COLEC10: variants seen among roughly 807,000 people sequenced by gnomAD.
The protein encoded by COLEC10 is collectin subfamily member 10.
Under a neutral mutation model 28.4 loss-of-function variants are expected in COLEC10, and 22 were observed. The observed-to-expected ratio is 0.78, with a 90% CI of 0.55 to 1.11. COLEC10 has a LOEUF of 1.11. Ranked by LOEUF, COLEC10 falls within the 50% of genes least tolerant of loss-of-function variation. The pLI is 0.00. For synonymous variants in COLEC10, 125 were observed against 116.1 expected, an observed-to-expected ratio of 1.08 and a Z score of -0.49; for missense variants, 361 against 344.1, an observed-to-expected ratio of 1.05 and a Z score of -0.39.
At chr8:118,988,835 A>T in the COLEC10 span, among the ~76,000 whole-genome samples, 1 of 152,164 alleles carries the variant, frequency 6.6e-6, no homozygotes, top group Non-Finnish European at 1.5e-5. Flanking sequence ...CAAATATTAA[A>T]CATAATCTAA....
At chr8:118,998,458 G>T (rs901864332) in intron 1 of COLEC10, among the ~76,000 whole-genome samples, 5 of 152,098 alleles carry the variant, frequency 3.3e-5, no homozygotes, top group African/African-American at 1.2e-4. Flanking sequence ...TGATCACTTA[G>T]GCATTTTGCT....
rs1563745214 is a variant in COLEC10 at position 119,103,788 on chromosome 8, G to A, written c.347-12G>A. On this transcript the variant is annotated splice_polypyrimidine_tract_variant and intron_variant, in intron 4 of 5. Coordinates refer to ENST00000332843, the MANE Select transcript of COLEC10 (RefSeq NM_006438.5). Reference sequence around the variant, plus strand: ...ACTTCAACATGAATTCACAGTTTTTGTCATTTAAAAGGTACTGTCTGTGAT... The same window carrying A: ...ACTTCAACATGAATTCACAGTTTTTATCATTTAAAAGGTACTGTCTGTGAT... 6.4e-7 allele frequency: 1 copy of A among 1,561,446 alleles called. No individual in the cohort carries two copies. Among genetic ancestry groups the A allele is most frequent in the South Asian group, 1.1e-5 (1 of 89,814 alleles).
intron 2 of COLEC10, among the ~76,000 whole-genome samples, chr8:119,014,316 C>G (rs563146526): frequency 6.7e-6 from 1 of 149,944 alleles, no homozygotes; most frequent in South Asian, 2.1e-4. Flanking sequence ...TTCTCCTTCA[C>G]TTTTGCAGAA....
intron 2 of COLEC10, among the ~76,000 whole-genome samples, chr8:119,034,434 C>T (rs1296978338): frequency 6.6e-6 from 1 of 150,908 alleles, no homozygotes; most frequent in Non-Finnish European, 1.5e-5. Flanking sequence ...AAAAAAAGGC[C>T]AGGTGCGGTG....
intron 1 of COLEC10, among the ~76,000 whole-genome samples, chr8:119,070,791 A>T (rs1815106401): frequency 6.6e-6 from 1 of 152,144 alleles, no homozygotes; most frequent in African/African-American, 2.4e-5. Context: ...CAAGTTTTAA[A>T]CAAAACATGT....
At chr8:119,023,633 T>A (rs1314882221) in intron 2 of COLEC10, among the ~76,000 whole-genome samples, 1 of 152,208 alleles carries the variant, frequency 6.6e-6, no homozygotes, top group African/African-American at 2.4e-5. Flanking sequence ...TAAATTTTAG[T>A]TATGTTGAAA....
chr8:119,089,478 G>T (rs1397094091), intron 1 of COLEC10, among the ~76,000 whole-genome samples: 1 of 152,170 alleles, frequency 6.6e-6, no homozygotes, highest in Non-Finnish European at 1.5e-5. Context: ...TGGATGTGGA[G>T]AAAAGTAAAA....
chr8:119,089,855 C>G lies in COLEC10; in HGVS notation c.220+104C>G. 3 of 809,932 alleles carry G rather than the reference C, an allele frequency of 3.7e-6. No individual in the cohort carries two copies. In the South Asian group the frequency reaches 4.8e-5, roughly 13 times the overall value. The allele number at this position is 809,932 out of a possible 1,614,324, so 50.2% of individuals were successfully genotyped here. A position where few individuals can be genotyped will look rare whatever the true frequency, so the allele number is the denominator to read the frequency against. On this transcript the variant is annotated intron_variant, in intron 2 of 5. Coordinates refer to ENST00000332843, the MANE Select transcript of COLEC10 (RefSeq NM_006438.5). ...AGCAGCTTTCATAATGCCCTCTGCC[C>G]CAACAATGCCTGAAATATATTTCAC...
At chr8:119,039,137 A>T (rs142985591) in intron 2 of COLEC10, among the ~76,000 whole-genome samples, 191 of 152,174 alleles carry the variant, frequency 1.3e-3, no homozygotes, top group African/African-American at 4.4e-3. Flanking sequence ...ATCCATGCAG[A>T]ACCTTCATTT....
intron 2 of COLEC10, among the ~76,000 whole-genome samples, chr8:119,024,602 C>T (rs1383985609): frequency 6.6e-6 from 1 of 151,808 alleles, no homozygotes; most frequent in African/African-American, 2.4e-5. Flanking sequence ...ACACACCACA[C>T]ATCTATGACA....
At chr8:119,083,322 G>A (rs962413831) in intron 1 of COLEC10, among the ~76,000 whole-genome samples, 1 of 152,192 alleles carries the variant, frequency 6.6e-6, no homozygotes, top group Admixed American at 6.6e-5. Flanking sequence ...CCTGCAGAAA[G>A]AGCAAGTCTC....
chr8:119,001,640 A>G (rs375520730), intron 1 of COLEC10, among the ~76,000 whole-genome samples: 16 of 152,282 alleles, frequency 1.1e-4, no homozygotes, highest in Middle Eastern at 3.4e-3. Flanking sequence ...TTATGGATTC[A>G]TTGAATTTCC....
chr8:119,004,712 A>G (rs1230840864), intron 1 of COLEC10, among the ~76,000 whole-genome samples: 1 of 151,562 alleles, frequency 6.6e-6, no homozygotes, highest in South Asian at 2.1e-4. Flanking sequence ...ACCAGGCAAC[A>G]TTTTTCTAAT....
At chr8:118,989,534 TACACACAC>T in the COLEC10 span, among the ~76,000 whole-genome samples, 937 of 128,704 alleles carry the variant, frequency 7.3e-3, 7 homozygotes, top group African/African-American at 0.022. Context: ...ACAGACAAAA[TACACACAC>T]ACACACACAC....
At chr8:119,069,496 AC>A (rs1815045607) in intron 1 of COLEC10, among the ~76,000 whole-genome samples, 1 of 148,054 alleles carries the variant, frequency 6.8e-6, no homozygotes, top group Non-Finnish European at 1.5e-5. Flanking sequence ...AGTCCCAGTT[AC>A]TTGGACGTCT....
intron 2 of COLEC10, among the ~76,000 whole-genome samples, chr8:119,060,431 G>A (rs1814834413): frequency 6.6e-6 from 1 of 152,090 alleles, no homozygotes; most frequent in South Asian, 2.1e-4. Context: ...TTTCAAATGA[G>A]CAATTACGGC....
chr8:119,006,571 TAGC>T (rs1295560996), intron 1 of COLEC10, among the ~76,000 whole-genome samples: 1 of 152,058 alleles, frequency 6.6e-6, no homozygotes, highest in African/African-American at 2.4e-5. Context: ...ATGGTCCCAA[TAGC>T]TGTTGGTGTA....
At chr8:118,983,673 G>T in the COLEC10 span, among the ~76,000 whole-genome samples, 1 of 152,020 alleles carries the variant, frequency 6.6e-6, no homozygotes, top group Admixed American at 6.6e-5. Context: ...AGTGGGCAAA[G>T]GATATGAACA....
chr8:119,018,006 C>G (rs188048397), intron 2 of COLEC10, among the ~76,000 whole-genome samples: 69 of 152,212 alleles, frequency 4.5e-4, no homozygotes, highest in Non-Finnish European at 6.0e-4. Flanking sequence ...CCATAGCCAT[C>G]GGGAATTTTC....
Sources: allele counts gnomAD v4.1 joint callset (sites outside exome capture counted in the v4.1 genomes callset), GRCh38; gene constraint gnomAD v4.1.1; transcripts MANE v1.5; gene names NCBI Gene and HGNC (gene_info 2026-07-23, HGNC 2026-07-21).